CNDP1: variants seen among roughly 807,000 people sequenced by gnomAD.
CNDP1 encodes the protein carnosine dipeptidase 1.
A neutral mutation model predicts 58.1 loss-of-function variants in CNDP1; 44 were observed. The ratio of observed to expected loss-of-function variants is 0.76; its 90% CI spans 0.60 to 0.97. CNDP1 has a LOEUF of 0.97. Among genes scored for constraint, CNDP1 ranks in the 50% least tolerant of loss-of-function variants. CNDP1 has a pLI of 0.00. For missense variants in CNDP1, 616 were observed against 655.1 expected (o/e 0.94, Z 0.65); for synonymous variants, 254 against 252.6 (o/e 1.01, Z -0.05).
chr18:74,567,411 G>A lies in CNDP1; in HGVS notation c.734G>A (p.Gly245Glu), dbSNP rs779954861. 3.1e-6 allele frequency: 5 copies of A among 1,613,970 alleles called. No individual in the cohort carries two copies. The highest frequency in any genetic ancestry group is 1.7e-4 in the Middle Eastern group (1 of 6,060). ...CCAGCAATCACTTACGGAACCCGGG[G>A]GAACAGCTACTTCATGGTGGAGGTA... ...RKPAITYGTR[G>E]NSYFMVEVKC... Residue 245 changes from glycine to glutamate, a missense_variant, in exon 6 of 12, where the codon GGG becomes GAG. Transcript: ENST00000358821.
chr18:74,583,255 C>T (rs1981831032), intron 10 of CNDP1, among the ~76,000 whole-genome samples: 1 of 152,162 alleles, frequency 6.6e-6, no homozygotes, highest in Non-Finnish European at 1.5e-5. Context: ...GATCCGCACA[C>T]CTCAGCCTCC....
chr18:74,581,136 G>GC (rs112725581), intron 10 of CNDP1, among the ~76,000 whole-genome samples: 18,185 of 151,876 alleles, frequency 0.12, 1,314 homozygotes, highest in African/African-American at 0.21. Context: ...GGCTTTAATG[G>GC]CCTTGGGCCA....
intron 10 of CNDP1, 50 bp downstream of exon 10, chr18:74,580,321 G>T: frequency 1.9e-6 from 3 of 1,587,390 alleles, no homozygotes; most frequent in Non-Finnish European, 2.6e-6. Context: ...GGACTCAGGG[G>T]TGGTACCCGT....
chr18:74,554,317 G>C (rs1026861995), intron 1 of CNDP1, among the ~76,000 whole-genome samples: 2 of 152,218 alleles, frequency 1.3e-5, no homozygotes, highest in African/African-American at 4.8e-5. Context: ...CTGACAGAAG[G>C]TAGAACAGCC....
At chr18:74,546,998 C>G (rs950987548) in intron 1 of CNDP1, among the ~76,000 whole-genome samples, 3 of 152,202 alleles carry the variant, frequency 2.0e-5, no homozygotes, top group African/African-American at 7.2e-5. Flanking sequence ...TGGAGTTTCT[C>G]CAGGATGCTG....
intron 2 of CNDP1, 83 bp from the exon 3 acceptor site, chr18:74,559,240 G>T (rs778955871): frequency 7.1e-7 from 1 of 1,400,748 alleles, no homozygotes; most frequent in African/African-American, 1.4e-5. Flanking sequence ...CTGGGGACTC[G>T]CTGTCTCCTG....
chr18:74,535,147 C>T (rs1387613864), intron 1 of CNDP1, among the ~76,000 whole-genome samples: 3 of 152,310 alleles, frequency 2.0e-5, no homozygotes, highest in African/African-American at 7.2e-5. Flanking sequence ...AGGCCTTTCT[C>T]GGCGAGGTTT....
rs1980729809 is a variant in CNDP1 at position 74,545,237 on chromosome 18, C to T, written c.24+10546C>T. On this transcript the variant is annotated intron_variant, in intron 1 of 11. Coordinates refer to ENST00000358821, the MANE Select transcript of CNDP1 (RefSeq NM_032649.6). The surrounding 1 kb of genome is among the most constrained non-coding windows in gnomAD (Gnocchi z 4.1). Reference sequence around the variant, plus strand: ...GGAAAGCCCCGCCCTCTCCTCGAATCTGCCTTGTTCTCGACTTTACATTTG... The same window carrying T: ...GGAAAGCCCCGCCCTCTCCTCGAATTTGCCTTGTTCTCGACTTTACATTTG... 6.6e-6 allele frequency among the ~76,000 whole-genome samples: 1 copy of T among 152,234 alleles called. No homozygotes were observed. The highest frequency in any genetic ancestry group is 2.4e-5 in the African/African-American group (1 of 41,456).
In CNDP1 at chr18:74,584,511, G is replaced by C. The variant is rs1412978199; in HGVS notation, c.1473G>C (p.Glu491Asp). Residue 491 changes from glutamate to aspartate, a missense_variant, in exon 12 of 12, where the codon GAG (glutamate) becomes GAC (aspartate). Coordinates refer to ENST00000358821, the MANE Select transcript of CNDP1 (RefSeq NM_032649.6). ...NEKINRWNYI[E>D]GTKLFAAFFL... ...CTCTTCTTAGGTGGAACTACATAGA[G>C]GGAACCAAATTATTTGCTGCCTTTT... 1.9e-6 allele frequency: 3 copies of C among 1,613,548 alleles called. No homozygotes were observed. The highest frequency in any genetic ancestry group is 1.7e-6 in the Non-Finnish European group (2 of 1,179,538).
intron 10 of CNDP1, among the ~76,000 whole-genome samples, chr18:74,580,617 C>A (rs956999067): frequency 2.6e-5 from 4 of 152,188 alleles, no homozygotes; most frequent in African/African-American, 9.7e-5. Flanking sequence ...CTTCAACCCC[C>A]TCCCCCTGAA....
At position 74,568,646 on chromosome 18, in the gene CNDP1, G is replaced by A. The variant is rs758573491; in HGVS notation, c.756+1213G>A. Reference sequence around the variant, plus strand: ...ATAACCTCTTCTGTGAGGGCTTTGGGTAGGTAGAGAGCTCCAAGTCCTAGA... The same window carrying A: ...ATAACCTCTTCTGTGAGGGCTTTGGATAGGTAGAGAGCTCCAAGTCCTAGA... On this transcript the variant is annotated intron_variant, in intron 6 of 11. Transcript: ENST00000358821. 4.6e-5 allele frequency among the ~76,000 whole-genome samples: 7 copies of A among 152,286 alleles called. No homozygotes were observed. The East Asian group carries it at 5.8e-4, about 13-fold the overall frequency.
In CNDP1 at chr18:74,580,170, G is replaced by C; in HGVS notation, c.1208G>C (p.Ser403Thr). 2 of 1,613,972 alleles carry C rather than the reference G, an allele frequency of 1.2e-6. No homozygotes were observed. The highest frequency in any genetic ancestry group is 1.7e-6 in the Non-Finnish European group (2 of 1,179,868). The change falls in exon 10 of 12, where the codon AGT becomes ACT. Residue 403 changes from serine (S) to threonine (T), a missense_variant. Physicochemically the swap from Ser to Thr is moderately conservative, Grantham distance 58. Coordinates refer to ENST00000358821, the MANE Select transcript of CNDP1 (RefSeq NM_032649.6). ...GAAGATGTGTTCTCCAAAAGAAATAGTTCCAACAAGATGGTTGTTTCCATG... is the reference window on the plus strand; with the variant it reads ...GAAGATGTGTTCTCCAAAAGAAATACTTCCAACAAGATGGTTGTTTCCATG... ...HLEDVFSKRN[S>T]SNKMVVSMTL...
At chr18:74,574,419 G>A (rs1981576426) in intron 7 of CNDP1, among the ~76,000 whole-genome samples, 1 of 152,160 alleles carries the variant, frequency 6.6e-6, no homozygotes, top group Non-Finnish European at 1.5e-5. Flanking sequence ...CCTATTCTTT[G>A]CATTTCCCTA....
intron 1 of CNDP1, among the ~76,000 whole-genome samples, chr18:74,542,236 G>T (rs532482758): frequency 3.9e-5 from 6 of 152,376 alleles, no homozygotes; most frequent in African/African-American, 7.2e-5. Context: ...AGGTTTGCTT[G>T]TTGAGCTCCT....
chr18:74,570,057 G>T (rs1981433784), intron 6 of CNDP1, among the ~76,000 whole-genome samples: 1 of 149,960 alleles, frequency 6.7e-6, no homozygotes, highest in East Asian at 1.9e-4. Context: ...AAAAAAGCTG[G>T]GCATGGTGGC....
chr18:74,552,113 C>A (rs139738243), intron 1 of CNDP1, among the ~76,000 whole-genome samples: 298 of 152,260 alleles, frequency 2.0e-3, no homozygotes, highest in African/African-American at 6.7e-3. Flanking sequence ...TGCAGGGTAG[C>A]CAGGGAGTTC....
chr18:74,561,154 C>A, intron 4 of CNDP1, 136 bp downstream of exon 4: 1 of 1,071,706 alleles, frequency 9.3e-7, no homozygotes, highest in Non-Finnish European at 1.3e-6. Context: ...GTGGCTCACG[C>A]TTGTAATCCC....
At chr18:74,544,469 C>T (rs555961493) in intron 1 of CNDP1, among the ~76,000 whole-genome samples, 1 of 152,026 alleles carries the variant, frequency 6.6e-6, no homozygotes, top group Non-Finnish European at 1.5e-5. Flanking sequence ...GTAATCCCAG[C>T]ACTTTGGGAG....
intron 2 of CNDP1, 53 bp from the exon 3 acceptor site, chr18:74,559,270 G>C: frequency 1.9e-6 from 3 of 1,599,182 alleles, no homozygotes; most frequent in Non-Finnish European, 2.6e-6. Context: ...CGCTCCCCCC[G>C]CAGAGCAGAT....
Sources: gnomAD v4.1 joint callset for allele counts (sites outside exome capture counted in the v4.1 genomes callset) on GRCh38, gnomAD v4.1.1 for gene constraint, Gnocchi (gnomAD v3.1) non-coding constraint, MANE v1.5 for transcripts, NCBI Gene and HGNC (gene_info 2026-07-23, HGNC 2026-07-21) for gene names.